The following NPFFR2 variants were observed in gnomAD, a reference collection of about 807,000 sequenced individuals.
NPFFR2 encodes G-protein coupled receptor 74.
NPFFR2 carries 15 observed loss-of-function variants against 13.1 expected under a neutral mutation model. The observed-to-expected ratio is 1.15, with a 90% CI of 0.77 to 1.76. The LOEUF (loss-of-function observed/expected upper bound fraction) is 1.76, where lower values mean the gene tolerates loss of function less well. NPFFR2 is among the 40% of genes most tolerant of loss of function. NPFFR2 has a pLI of 0.00. For missense variants in NPFFR2, 572 were observed against 503.5 expected, an observed-to-expected ratio of 1.14 and a Z score of -1.30; for synonymous variants, 190 against 175.7, an observed-to-expected ratio of 1.08 and a Z score of -0.65.
chr4:72,096,380 C>G, intron 1 of NPFFR2, among the ~76,000 whole-genome samples: 1 of 152,134 alleles, frequency 6.6e-6, no homozygotes, highest in Non-Finnish European at 1.5e-5. Flanking sequence ...TTATAACATG[C>G]ATTCATGATC....
At chr4:72,046,906 G>A (rs1056536075) in intron 1 of NPFFR2, among the ~76,000 whole-genome samples, 4 of 152,144 alleles carry the variant, frequency 2.6e-5, no homozygotes, top group African/African-American at 9.7e-5. Flanking sequence ...TTTAGACACT[G>A]GGGTAAAGTC....
chr4:72,137,129 A>G (rs1722441959), intron 2 of NPFFR2, among the ~76,000 whole-genome samples: 1 of 152,190 alleles, frequency 6.6e-6, no homozygotes, highest in African/African-American at 2.4e-5. Context: ...TCAAGCATTT[A>G]TTATAATATG....
chr4:72,066,949 C>T (rs555989553), intron 1 of NPFFR2, among the ~76,000 whole-genome samples: 4 of 152,120 alleles, frequency 2.6e-5, no homozygotes, highest in Non-Finnish European at 5.9e-5. Context: ...CCCATGGCTC[C>T]ATTAAGAATT....
intron 1 of NPFFR2, among the ~76,000 whole-genome samples, chr4:72,109,947 G>A (rs1366806294): frequency 1.3e-5 from 2 of 151,946 alleles, no homozygotes; most frequent in East Asian, 3.9e-4. Flanking sequence ...TTCATGGGGA[G>A]CAATTCGCAA....
chr4:72,047,251 A>G (rs889804892), intron 1 of NPFFR2, among the ~76,000 whole-genome samples: 3 of 152,166 alleles, frequency 2.0e-5, no homozygotes, highest in African/African-American at 7.2e-5. Flanking sequence ...AGAGATTAAT[A>G]TGGATAAAAG....
At chr4:72,075,606 T>A (rs1301485307) in intron 1 of NPFFR2, among the ~76,000 whole-genome samples, 1 of 152,088 alleles carries the variant, frequency 6.6e-6, no homozygotes, top group Non-Finnish European at 1.5e-5. Context: ...ATGTGGAACA[T>A]TCTACCCAAT....
intron 1 of NPFFR2, among the ~76,000 whole-genome samples, chr4:72,115,471 C>T (rs1488707111): frequency 2.0e-5 from 3 of 152,100 alleles, no homozygotes; most frequent in African/African-American, 4.8e-5. Context: ...GGAATAACTG[C>T]GTCTAAACAA....
chr4:72,042,218 T>A (rs2109756309), intron 1 of NPFFR2, among the ~76,000 whole-genome samples: 1 of 152,298 alleles, frequency 6.6e-6, no homozygotes, highest in East Asian at 1.9e-4. Context: ...CACTTCTTGC[T>A]GCCACCATGT....
chr4:72,099,366 T>C (rs1318825867), intron 1 of NPFFR2, among the ~76,000 whole-genome samples: 3 of 151,196 alleles, frequency 2.0e-5, no homozygotes, highest in Non-Finnish European at 4.4e-5. Flanking sequence ...AATAGAACCA[T>C]GTATTTCGTC....
chr4:72,118,484 A>C (rs1386009057), intron 1 of NPFFR2, among the ~76,000 whole-genome samples: 1 of 152,174 alleles, frequency 6.6e-6, no homozygotes, highest in African/African-American at 2.4e-5. Context: ...GGTATTAATC[A>C]TGAATCTATC....
At chr4:72,067,860 T>C (rs1420001733) in intron 1 of NPFFR2, among the ~76,000 whole-genome samples, 2 of 152,206 alleles carry the variant, frequency 1.3e-5, no homozygotes, top group Non-Finnish European at 2.9e-5. Flanking sequence ...CATCTGAGAC[T>C]TCATTAGAAT....
At chr4:72,076,108 G>A (rs931459879) in intron 1 of NPFFR2, among the ~76,000 whole-genome samples, 2 of 151,878 alleles carry the variant, frequency 1.3e-5, no homozygotes, top group Non-Finnish European at 1.5e-5. Flanking sequence ...AGACGGCATA[G>A]ATAGTGGAGA....
chr4:72,065,101 A>G (rs1359637760), intron 1 of NPFFR2, among the ~76,000 whole-genome samples: 1 of 152,128 alleles, frequency 6.6e-6, no homozygotes, highest in Non-Finnish European at 1.5e-5. Flanking sequence ...GAAAAAAAAA[A>G]AAACAAAGCT....
intron 1 of NPFFR2, among the ~76,000 whole-genome samples, chr4:72,125,858 T>C (rs1190615398): frequency 6.6e-6 from 1 of 152,186 alleles, no homozygotes; most frequent in Non-Finnish European, 1.5e-5. Flanking sequence ...TTCCCCTCTG[T>C]CATGTAACCT....
At chr4:72,090,345 T>C (rs898350527) in intron 1 of NPFFR2, among the ~76,000 whole-genome samples, 1 of 152,136 alleles carries the variant, frequency 6.6e-6, no homozygotes, top group Non-Finnish European at 1.5e-5. Flanking sequence ...GATGGTGTTT[T>C]CTAGTTCTGT....
chr4:72,109,731 G>C (rs1721510884), intron 1 of NPFFR2, among the ~76,000 whole-genome samples: 1 of 151,644 alleles, frequency 6.6e-6, no homozygotes, highest in South Asian at 2.1e-4. Context: ...GTTTTTTAAT[G>C]AATGCCCATT....
At chr4:72,060,330 A>T (rs1245537593) in intron 1 of NPFFR2, among the ~76,000 whole-genome samples, 2 of 152,136 alleles carry the variant, frequency 1.3e-5, no homozygotes, top group East Asian at 3.9e-4. Context: ...AGGATTCCAT[A>T]ATAGCTATTG....
At chr4:72,051,079 G>T (rs1454841230) in intron 1 of NPFFR2, among the ~76,000 whole-genome samples, 1 of 151,938 alleles carries the variant, frequency 6.6e-6, no homozygotes, top group East Asian at 1.9e-4. Context: ...ACATACGTGT[G>T]CATATGTCTT....
intron 1 of NPFFR2, among the ~76,000 whole-genome samples, chr4:72,057,429 T>TA (rs1380573997): frequency 1.3e-5 from 2 of 152,018 alleles, no homozygotes; most frequent in Non-Finnish European, 2.9e-5. Context: ...CCTTGCTTCT[T>TA]CCAGCTTGTG....
Sources: allele counts gnomAD v4.1 joint callset (sites outside exome capture counted in the v4.1 genomes callset), GRCh38; gene constraint gnomAD v4.1.1; transcripts MANE v1.5; gene names NCBI Gene and HGNC (gene_info 2026-07-23, HGNC 2026-07-21).